VN1R4: variants seen among roughly 807,000 people sequenced by gnomAD.
VN1R4 encodes the protein vomeronasal type-1 receptor 4.
For missense variants in VN1R4, 291 were observed against 364.2 expected, an observed-to-expected ratio of 0.80 and a Z score of 1.64; for synonymous variants, 97 against 138.8, an observed-to-expected ratio of 0.70 and a Z score of 2.12.
exon 1 of VN1R4, chr19:53,267,083 T>C (rs1188903557): frequency 6.2e-7 from 1 of 1,613,364 alleles, no homozygotes. Context: ...ACCCAGAGCA[T>C]GAGCCCCAGA....
chr19:53,267,575 A>C, exon 1 of VN1R4: 1 of 1,614,000 alleles, frequency 6.2e-7, no homozygotes, highest in Non-Finnish European at 8.5e-7. Flanking sequence ...CAGTAAAAGG[A>C]GAGATAATGG....
At chr19:53,266,741 A>G in exon 1 of VN1R4, 1 of 1,570,508 alleles carries the variant, frequency 6.4e-7, no homozygotes, top group Non-Finnish European at 8.6e-7. Flanking sequence ...CATGTTTATG[A>G]TGAGGTTAGG....
exon 1 of VN1R4, chr19:53,267,703 G>A (rs2146990732): frequency 2.0e-6 from 3 of 1,522,676 alleles, no homozygotes; most frequent in Non-Finnish European, 2.6e-6. Flanking sequence ...TTGTCTTCAG[G>A]GCTGGGAGGT....
exon 1 of VN1R4, chr19:53,267,108 G>T: frequency 6.2e-7 from 1 of 1,612,902 alleles, no homozygotes; most frequent in Non-Finnish European, 8.5e-7. Context: ...ACACATCAGG[G>T]AATGATAACA....
exon 1 of VN1R4, chr19:53,266,752 A>G: frequency 6.3e-7 from 1 of 1,593,072 alleles, no homozygotes; most frequent in South Asian, 1.1e-5. Context: ...TGAGGTTAGG[A>G]GATCTTGTCA....
exon 1 of VN1R4, chr19:53,266,848 A>G: frequency 1.2e-6 from 2 of 1,614,232 alleles, no homozygotes; most frequent in South Asian, 2.2e-5. Flanking sequence ...ACATACACTC[A>G]TTAAGGCTGA....
rs745962046 is a variant in VN1R4, at chr19:53,267,677, T to C, written c.-12A>G. The C allele has an allele frequency of 7.0e-6, 11 of 1,563,802 alleles. No homozygotes were observed. In the Admixed American group the frequency reaches 1.1e-4, roughly 16 times the overall value. Reference sequence around the variant, plus strand: ...TACCGGGAGGCCATTCTGCCACTGATGTCTGTCACTGATGTTTGTCTTCAG... The same window carrying C: ...TACCGGGAGGCCATTCTGCCACTGACGTCTGTCACTGATGTTTGTCTTCAG... On this transcript the variant is annotated 5_prime_UTR_variant, in exon 1 of 1. Transcript: ENST00000311170.
chr19:53,266,937 C>T, exon 1 of VN1R4: 1 of 1,613,548 alleles, frequency 6.2e-7, no homozygotes, highest in Non-Finnish European at 8.5e-7. Flanking sequence ...TGTAAGAAGA[C>T]ACAAAGGTGC....
chr19:53,266,983 T>C (rs1333295476), exon 1 of VN1R4: 7 of 1,604,258 alleles, frequency 4.4e-6, no homozygotes, highest in Non-Finnish European at 6.0e-6. Flanking sequence ...AGCTCTGTTC[T>C]CTGGGGAGGC....
chr19:53,267,103 T>G (rs1202336644), exon 1 of VN1R4: 1 of 1,613,102 alleles, frequency 6.2e-7, no homozygotes. Flanking sequence ...ACACAACACA[T>G]CAGGGAATGA....
exon 1 of VN1R4, chr19:53,267,025 T>C: frequency 6.2e-7 from 1 of 1,612,448 alleles, no homozygotes; most frequent in Non-Finnish European, 8.5e-7. Context: ...ATCAATGTGC[T>C]GGACCCGCTG....
At chr19:53,267,297 G>A (rs2091354588) in exon 1 of VN1R4, 1 of 1,613,920 alleles carries the variant, frequency 6.2e-7, no homozygotes, top group African/African-American at 1.3e-5. Context: ...CATGCTTGGG[G>A]GCTTTCTCTT....
rs1435510833 is a variant in VN1R4 at position 53,267,385 on chromosome 19, G to A, written c.281C>T (p.Ser94Phe). The change falls in exon 1 of 1, where the codon TCC becomes TTC. Residue 94 changes from serine to phenylalanine, a missense_variant. Ser to Phe is a radical substitution (Grantham distance 155). Transcript: ENST00000311170. ...ACTCAAGAGGCAGGTGGTGCCAATG[G>A]ACACTCCCCTGCCCACTCTATGGAG... 3.1e-6 allele frequency: 5 copies of A among 1,613,884 alleles called. No homozygotes were observed. In the East Asian group the frequency reaches 8.9e-5, roughly 29 times the overall value.
exon 1 of VN1R4, chr19:53,267,641 C>T (rs764978001): frequency 1.9e-6 from 3 of 1,604,532 alleles, no homozygotes; most frequent in Non-Finnish European, 2.6e-6. Context: ...AAGATCATTC[C>T]CACTGCCACA....
chr19:53,266,894 G>A, exon 1 of VN1R4: 3 of 1,614,188 alleles, frequency 1.9e-6, no homozygotes, highest in Non-Finnish European at 2.5e-6. Flanking sequence ...TTATCCAAAA[G>A]AGCCATACAA....
exon 1 of VN1R4, chr19:53,266,902 C>G (rs763752679): frequency 7.4e-6 from 12 of 1,613,742 alleles, no homozygotes; most frequent in Non-Finnish European, 1.0e-5. Context: ...AAGAGCCATA[C>G]AAACTTGGAA....
rs199868519 is a variant in VN1R4 at position 53,267,471 on chromosome 19, T to C, written c.195A>G (p.Thr65=). The C allele has an allele frequency of 2.5e-6, 4 of 1,614,170 alleles. No individual in the cohort carries two copies. In the South Asian group the frequency reaches 3.3e-5, roughly 13 times the overall value. Residue 65 remains threonine, a synonymous_variant, in exon 1 of 1, where the codon ACA becomes ACG. Coordinates refer to ENST00000311170, the Ensembl canonical transcript of VN1R4. ...AATATCTAACCCCAAAAGCTGCCAT[T>C]GTCTGGGGGACTCCTTTACAGCGGA...
exon 1 of VN1R4, chr19:53,267,597 G>A (rs1251331581): frequency 2.5e-6 from 4 of 1,613,792 alleles, no homozygotes; most frequent in Non-Finnish European, 3.4e-6. Flanking sequence ...GAAGAACAGA[G>A]AAGCTCCCCA....
At chr19:53,267,084 G>A in exon 1 of VN1R4, 2 of 1,613,324 alleles carry the variant, frequency 1.2e-6, no homozygotes, top group Non-Finnish European at 1.7e-6. Context: ...CCCAGAGCAT[G>A]AGCCCCAGAC....
Sources: allele counts gnomAD v4.1 joint callset, GRCh38; gene constraint gnomAD v4.1.1; transcripts MANE v1.5; gene names NCBI Gene and HGNC (gene_info 2026-07-23, HGNC 2026-07-21).